Variants in NAV2 observed in about 807,000 individuals in gnomAD.
The protein encoded by NAV2 is neuron navigator 2.
Under a neutral mutation model 223.2 loss-of-function variants are expected in NAV2, and 54 were observed. That is an observed-to-expected ratio of 0.24 (90% CI 0.19 to 0.30). NAV2 has a LOEUF of 0.30. NAV2 is among the 10% of genes least tolerant of loss of function. NAV2 has a pLI of 1.00. For synonymous variants in NAV2, 1,279 were observed against 1,239.3 expected, an observed-to-expected ratio of 1.03 and a Z score of -0.67; for missense variants, 2,806 against 3,147.5, an observed-to-expected ratio of 0.89 and a Z score of 2.60.
At position 19,455,629 on chromosome 11, in the gene NAV2, A is replaced by G. The variant is rs544313700; in HGVS notation, c.75+104602A>G. ...CACAGCATCTCTATGAATGGGCACTATTATTATGCCATTTTACATGACAAG... is the reference window on the plus strand; with the variant it reads ...CACAGCATCTCTATGAATGGGCACTGTTATTATGCCATTTTACATGACAAG... On this transcript the variant is annotated intron_variant, in intron 1 of 37. Coordinates refer to the NAV2 transcript ENST00000360655. Among the ~76,000 whole-genome samples, 22 of 152,294 alleles carry G rather than the reference A, an allele frequency of 1.4e-4. No homozygotes were observed. In the South Asian group the frequency reaches 4.4e-3, roughly 30 times the overall value.
chr11:19,889,591 A>T (rs755917210), intron 5 of NAV2, among the ~76,000 whole-genome samples: 4 of 152,188 alleles, frequency 2.6e-5, no homozygotes, highest in Admixed American at 2.0e-4. Flanking sequence ...CTCCTTCTCC[A>T]TGTCCCAAAA....
At position 19,837,157 on chromosome 11, in the gene NAV2, G is replaced by A. The variant is rs1351543309; in HGVS notation, c.385+4556G>A. 2.0e-5 allele frequency among the ~76,000 whole-genome samples: 3 copies of A among 151,968 alleles called. No individual in the cohort carries two copies. In the East Asian group the frequency reaches 5.8e-4, roughly 29 times the overall value. The stretch of plus-strand genomic sequence containing the variant: ...AAGAATAATCCAATCTGGGGACAGT[G>A]TGAACATCAAAATCAATTGAGGACA... On this transcript the variant is annotated intron_variant, in intron 2 of 37. Coordinates refer to ENST00000349880, the MANE Select transcript of NAV2 (RefSeq NM_145117.5).
intron 1 of NAV2, among the ~76,000 whole-genome samples, chr11:19,403,173 G>A (rs1185197310): frequency 6.6e-6 from 1 of 152,240 alleles, no homozygotes; most frequent in Non-Finnish European, 1.5e-5. Flanking sequence ...GCACCCAACA[G>A]ATGTCAAATA....
intron 3 of NAV2, among the ~76,000 whole-genome samples, chr11:19,844,711 ACTTATAAATACTAC>A (rs2060691570): frequency 6.6e-6 from 1 of 152,180 alleles, no homozygotes. Context: ...CAAATAAGTT[ACTTATAAATACTAC>A]CATAGCACCA....
At chr11:19,896,933 CAT>C (rs1274776384) in intron 6 of NAV2, among the ~76,000 whole-genome samples, 27 of 152,128 alleles carry the variant, frequency 1.8e-4, no homozygotes, top group African/African-American at 6.0e-4. Context: ...CACATGCACA[CAT>C]ATGTTTATTG....
At chr11:19,496,986 A>G (rs1017888827) in intron 1 of NAV2, among the ~76,000 whole-genome samples, 1 of 152,156 alleles carries the variant, frequency 6.6e-6, no homozygotes, top group African/African-American at 2.4e-5. Flanking sequence ...TACGTTACCT[A>G]ATCTTTCTAT....
chr11:19,841,415 T>C (rs1214403204), intron 2 of NAV2, among the ~76,000 whole-genome samples: 1 of 152,188 alleles, frequency 6.6e-6, no homozygotes, highest in Non-Finnish European at 1.5e-5. Context: ...CAGTTTCCAA[T>C]GGCTTTTCTC....
At chr11:20,043,894 C>T in intron 12 of NAV2, 87 bp from the exon 13 acceptor site, 1 of 1,227,236 alleles carries the variant, frequency 8.1e-7, no homozygotes, top group South Asian at 1.4e-5. Flanking sequence ...TTAACTACTC[C>T]AGTGTTTTGG....
At chr11:20,002,903 C>G (rs2052694947) in intron 11 of NAV2, among the ~76,000 whole-genome samples, 1 of 152,296 alleles carries the variant, frequency 6.6e-6, no homozygotes, top group South Asian at 2.1e-4. Flanking sequence ...TTCATAGATG[C>G]CCTGGGGCTC....
rs60534392 is a variant in NAV2, at chr11:19,998,793, A to G, written c.2768+14546A>G. Among the ~76,000 whole-genome samples, 737 of 152,216 alleles carry G rather than the reference A, an allele frequency of 4.8e-3. 10 individuals carry two copies. Among genetic ancestry groups the G allele is most frequent in the African/African-American group, 0.017 (699 of 41,544 alleles). ...AACTTCACCACTTAGAGAGGCTGCTACTGACCACTCAATCTAAAGAAAGTT... is the reference window on the plus strand; with the variant it reads ...AACTTCACCACTTAGAGAGGCTGCTGCTGACCACTCAATCTAAAGAAAGTT... On this transcript the variant is annotated intron_variant, in intron 11 of 37. Coordinates refer to ENST00000349880, the MANE Select transcript of NAV2 (RefSeq NM_145117.5). This position sits in a 1 kb window ranked among gnomAD's most constrained non-coding sequence, Gnocchi z 5.0.
chr11:19,747,695 A>G (rs554579787), intron 1 of NAV2, among the ~76,000 whole-genome samples: 14 of 152,244 alleles, frequency 9.2e-5, no homozygotes, highest in African/African-American at 3.4e-4. Flanking sequence ...CCCCCTGACT[A>G]TCTTTAGGCA....
intron 1 of NAV2, among the ~76,000 whole-genome samples, chr11:19,597,778 G>A (rs930988647): frequency 3.3e-5 from 5 of 152,248 alleles, no homozygotes; most frequent in Middle Eastern, 3.2e-3. Context: ...AAGGAGGTGG[G>A]GAGGATCGGG....
Position 20,120,352 on chromosome 11 carries a change from T to C in NAV2, c.*2094T>C, listed in dbSNP as rs2063410864. 1 of 152,444 alleles carries C rather than the reference T, an allele frequency of 6.6e-6. No homozygotes were observed. The highest frequency in any genetic ancestry group is 2.4e-5 in the African/African-American group (1 of 41,430). 9.4% of individuals were successfully genotyped at this position (152,444 alleles called of 1,614,324 possible). A position where few individuals can be genotyped will look rare whatever the true frequency, so the allele number is the denominator to read the frequency against. ...CATTAGTCATCTGGGTGTGAGTGTG[T>C]CTTGTTCTGTTTTTCTTTTTAATAA... On this transcript the variant is annotated 3_prime_UTR_variant, in exon 38 of 38. Transcript: ENST00000349880.
the NAV2 span, among the ~76,000 whole-genome samples, chr11:19,345,627 G>A: frequency 6.6e-6 from 1 of 152,234 alleles, no homozygotes; most frequent in Non-Finnish European, 1.5e-5. This position sits in a 1 kb window ranked among gnomAD's most constrained non-coding sequence, Gnocchi z 5.2. Flanking sequence ...ATGACGGCCG[G>A]CGGGCCCTTG....
intron 6 of NAV2, among the ~76,000 whole-genome samples, chr11:19,919,001 G>T (rs1036884534): frequency 6.6e-6 from 1 of 152,114 alleles, no homozygotes; most frequent in African/African-American, 2.4e-5. Flanking sequence ...ACCTGGGAAA[G>T]TACCTGAAAC....
chr11:19,730,502 C>G (rs2051670006), intron 1 of NAV2, among the ~76,000 whole-genome samples: 1 of 152,242 alleles, frequency 6.6e-6, no homozygotes, highest in Non-Finnish European at 1.5e-5. Context: ...GGTGACAGGG[C>G]TGGGGCCGGG....
intron 31 of NAV2, among the ~76,000 whole-genome samples, 159 bp from the exon 32 acceptor site, chr11:20,100,778 T>C (rs2061586918): frequency 1.3e-5 from 2 of 152,096 alleles, no homozygotes; most frequent in South Asian, 4.1e-4. Flanking sequence ...AGCAGCACTT[T>C]GCTCTCAGCC....
intron 1 of NAV2, among the ~76,000 whole-genome samples, chr11:19,776,769 T>C (rs1220944337): frequency 6.6e-6 from 1 of 151,762 alleles, no homozygotes; most frequent in African/African-American, 2.4e-5. Context: ...GCGTGAGTTC[T>C]GTGCAGAAAG....
chr11:19,597,631 G>A (rs1377647578), intron 1 of NAV2, among the ~76,000 whole-genome samples: 6 of 152,190 alleles, frequency 3.9e-5, no homozygotes, highest in Admixed American at 3.9e-4. Flanking sequence ...CTGCCGTATA[G>A]GTTTTTAATA....
Sources: gnomAD v4.1 joint callset for allele counts (sites outside exome capture counted in the v4.1 genomes callset) on GRCh38, gnomAD v4.1.1 for gene constraint, Gnocchi (gnomAD v3.1) non-coding constraint, MANE v1.5 for transcripts, NCBI Gene and HGNC (gene_info 2026-07-23, HGNC 2026-07-21) for gene names.